Variants in DIAPH1 observed in about 807,000 individuals in gnomAD.
DIAPH1 encodes the protein diaphanous related formin 1.
Under a neutral mutation model 140.7 loss-of-function variants are expected in DIAPH1, and 46 were observed. That is an observed-to-expected ratio of 0.33 (90% CI 0.26 to 0.42). The LOEUF (loss-of-function observed/expected upper bound fraction) is 0.42, where lower values mean the gene tolerates loss of function less well. Ranked by LOEUF, DIAPH1 falls within the 10% of genes least tolerant of loss-of-function variation. The pLI is 1.00. For missense variants in DIAPH1, 1,310 were observed against 1,558.7 expected, an observed-to-expected ratio of 0.84 and a Z score of 2.69; for synonymous variants, 565 against 551.6, an observed-to-expected ratio of 1.02 and a Z score of -0.34.
Position 141,576,261 on chromosome 5 carries a change from G to C in DIAPH1, c.1430C>G (p.Ser477Cys). The C allele has an allele frequency of 6.2e-7, 1 of 1,614,082 alleles. No homozygotes were observed. The highest frequency in any genetic ancestry group is 1.1e-5 in the South Asian group (1 of 91,078). ...TTCCAGCTCTGCAGCTTTGGCTTCA[G>C]ATTTCTCCACCTTTGTCTTATCAAT... ...QMIDKTKVEK[S>C]EAKAAELEKK... The change falls in exon 14 of 28, where the codon TCT (serine) becomes TGT (cysteine). Residue 477 changes from serine (S) to cysteine (C), a missense_variant. Coordinates refer to ENST00000389054, the MANE Select transcript of DIAPH1 (RefSeq NM_005219.5).
intron 18 of DIAPH1, among the ~76,000 whole-genome samples, chr5:141,568,578 A>C (rs1562316021): frequency 6.6e-6 from 1 of 152,216 alleles, no homozygotes; most frequent in Non-Finnish European, 1.5e-5. Flanking sequence ...ATATTCTAGG[A>C]CCAGTTCCTG....
At chr5:141,572,288 A>C (rs1345448549) in intron 16 of DIAPH1, among the ~76,000 whole-genome samples, 1 of 152,214 alleles carries the variant, frequency 6.6e-6, no homozygotes, top group African/African-American at 2.4e-5. Flanking sequence ...CCTAACTCCA[A>C]ATCCTCTAGC....
intron 1 of DIAPH1, chr5:141,588,969 C>T (rs976671318): frequency 6.6e-6 from 1 of 152,246 alleles, no homozygotes; most frequent in Non-Finnish European, 1.5e-5. Flanking sequence ...ATGGGGGAGG[C>T]CATCACTCTT....
chr5:141,579,284 G>A (rs900065141), intron 8 of DIAPH1, 88 bp from the exon 9 acceptor site: 9 of 954,014 alleles, frequency 9.4e-6, no homozygotes, highest in South Asian at 2.6e-5. Flanking sequence ...GGCACAGACC[G>A]ATTAGGAAAC....
At chr5:141,547,543 C>A (rs1307698754) in intron 18 of DIAPH1, among the ~76,000 whole-genome samples, 1 of 151,936 alleles carries the variant, frequency 6.6e-6, no homozygotes, top group Non-Finnish European at 1.5e-5. Context: ...AAATTAAAAG[C>A]TCAACAGATG....
chr5:141,576,406 A>G, intron 13 of DIAPH1, 112 bp from the exon 14 acceptor site: 1 of 935,758 alleles, frequency 1.1e-6, no homozygotes, highest in Non-Finnish European at 1.7e-6. Flanking sequence ...ATCTTTCTTA[A>G]TGTTCTGCAC....
rs77297421 is a variant in DIAPH1, at chr5:141,536,534, T to G, written c.2483-2101A>C. On this transcript the variant is annotated intron_variant, in intron 18 of 27. Transcript: ENST00000389054. The stretch of plus-strand genomic sequence containing the variant: ...AGACCATTTAATAGATAAAATAGTA[T>G]ACTATATTATCATAGCTGCTGTGAA... 5.0e-3 allele frequency among the ~76,000 whole-genome samples: 753 copies of G among 152,060 alleles called. 7 individuals are homozygous for G. Among genetic ancestry groups the G allele is most frequent in the African/African-American group, 0.017 (722 of 41,442 alleles).
Position 141,516,420 on chromosome 5 carries a change from C to A in DIAPH1, c.*431G>T. 1 of 258,558 alleles carries A rather than the reference C, an allele frequency of 3.9e-6. No individual in the cohort carries two copies. Among genetic ancestry groups the A allele is most frequent in the East Asian group, 9.2e-5 (1 of 10,818 alleles). The allele number at this position is 258,558 out of a possible 1,614,324, so 16.0% of individuals were successfully genotyped here. On this transcript the variant is annotated 3_prime_UTR_variant, in exon 28 of 28. Coordinates refer to ENST00000389054, the MANE Select transcript of DIAPH1 (RefSeq NM_005219.5). ...ATCTAGCCCAAAGGTTTACAAGCCC[C>A]ATGCTATTCTCAGGGCCAGAGAAAC...
intron 17 of DIAPH1, chr5:141,571,675 A>C: frequency 1.5e-6 from 1 of 651,536 alleles, no homozygotes; most frequent in South Asian, 1.8e-5. Context: ...TGTCACTTTA[A>C]TCTCATATCC....
At chr5:141,593,475 T>C (rs1301357608) in intron 1 of DIAPH1, among the ~76,000 whole-genome samples, 2 of 152,160 alleles carry the variant, frequency 1.3e-5, no homozygotes, top group African/African-American at 4.8e-5. Flanking sequence ...AGCCTGGCCT[T>C]TCCCCTTGAG....
At chr5:141,587,411 G>A in intron 2 of DIAPH1, 1 of 592,082 alleles carries the variant, frequency 1.7e-6, no homozygotes, top group Non-Finnish European at 3.0e-6. Context: ...TCAAAGATAA[G>A]AGGACCAAAG....
chr5:141,595,297 C>T (rs1461984316), intron 1 of DIAPH1, among the ~76,000 whole-genome samples: 1 of 152,060 alleles, frequency 6.6e-6, no homozygotes, highest in Non-Finnish European at 1.5e-5. Context: ...TAAGAGTGAA[C>T]CCTAATGTAA....
At chr5:141,526,208 C>T in intron 25 of DIAPH1, 35 bp from the exon 26 acceptor site, 1 of 1,614,114 alleles carries the variant, frequency 6.2e-7, no homozygotes, top group Non-Finnish European at 8.5e-7. Flanking sequence ...AACACATGGG[C>T]ATTGTATACC....
chr5:141,560,034 C>T (rs1424247797), intron 18 of DIAPH1, among the ~76,000 whole-genome samples: 1 of 152,192 alleles, frequency 6.6e-6, no homozygotes, highest in Non-Finnish European at 1.5e-5. Context: ...CTGTACACAT[C>T]TCTAAAAGAT....
At chr5:141,610,353 T>G (rs1379219307) in intron 1 of DIAPH1, among the ~76,000 whole-genome samples, 2 of 150,878 alleles carry the variant, frequency 1.3e-5, no homozygotes, top group Non-Finnish European at 2.9e-5. Context: ...CAGGCTGGAG[T>G]GCAGTGGCAC....
intron 27 of DIAPH1, among the ~76,000 whole-genome samples, chr5:141,523,838 A>G (rs2099886912): frequency 6.6e-6 from 1 of 151,702 alleles, no homozygotes; most frequent in Non-Finnish European, 1.5e-5. Flanking sequence ...TTGTTCATAC[A>G]CACAAATGCC....
rs1562273622 is a variant in DIAPH1 at position 141,515,579 on chromosome 5, T to C, written c.*1272A>G. 1 of 152,256 alleles carries C rather than the reference T, an allele frequency of 6.6e-6. No individual in the cohort carries two copies. The highest frequency in any genetic ancestry group is 2.4e-5 in the African/African-American group (1 of 41,468). The allele number at this position is 152,256 out of a possible 1,614,324, so 9.4% of individuals were successfully genotyped here. Reference sequence around the variant, plus strand: ...ACCCACTTCTCTTTTAGAAGAGAGCTGGGGTACAGTGTATGAAGGCACTCC... The same window carrying C: ...ACCCACTTCTCTTTTAGAAGAGAGCCGGGGTACAGTGTATGAAGGCACTCC... On this transcript the variant is annotated 3_prime_UTR_variant, in exon 28 of 28. Coordinates refer to ENST00000389054, the MANE Select transcript of DIAPH1 (RefSeq NM_005219.5).
intron 1 of DIAPH1, among the ~76,000 whole-genome samples, chr5:141,612,535 A>G (rs2099902004): frequency 6.6e-6 from 1 of 152,240 alleles, no homozygotes. Context: ...GCCCCAGCAA[A>G]AGGGTTCATA....
chr5:141,567,937 G>A (rs936192053), intron 18 of DIAPH1, among the ~76,000 whole-genome samples: 1 of 152,174 alleles, frequency 6.6e-6, no homozygotes, highest in African/African-American at 2.4e-5. Context: ...CTTAGTGAAG[G>A]TCTTTTTAGC....
Sources: allele counts gnomAD v4.1 joint callset (sites outside exome capture counted in the v4.1 genomes callset), GRCh38; gene constraint gnomAD v4.1.1; transcripts MANE v1.5; gene names NCBI Gene and HGNC (gene_info 2026-07-23, HGNC 2026-07-21).